The following MYLK variants were observed in gnomAD, a reference collection of about 807,000 sequenced individuals.
MYLK encodes myosin light chain kinase, smooth muscle.
A neutral mutation model predicts 203.4 loss-of-function variants in MYLK; 106 were observed. The observed-to-expected ratio is 0.52, with a 90% confidence interval of 0.45 to 0.61. MYLK has a LOEUF of 0.61. Among genes scored for constraint, MYLK ranks in the 20% least tolerant of loss-of-function variants. MYLK has a pLI of 0.00. For synonymous variants in MYLK, 867 were observed against 959.5 expected (o/e 0.90, Z 1.78); for missense variants, 2,072 against 2,442.3 (o/e 0.85, Z 3.20).
At chr3:123,849,872 T>G (rs981706872) in intron 2 of MYLK, among the ~76,000 whole-genome samples, 2 of 151,908 alleles carry the variant, frequency 1.3e-5, no homozygotes, top group African/African-American at 4.9e-5. Context: ...TAGGTATATC[T>G]CCTAATGCTA....
intron 29 of MYLK, among the ~76,000 whole-genome samples, chr3:123,631,873 C>CTTT (rs11391919): frequency 7.1e-6 from 1 of 140,368 alleles, no homozygotes; most frequent in Non-Finnish European, 1.6e-5. Flanking sequence ...TCTCCTTTTT[C>CTTT]TTTTTTTTTT....
chr3:123,782,011 T>C (rs1445758310), intron 4 of MYLK, among the ~76,000 whole-genome samples: 1 of 152,206 alleles, frequency 6.6e-6, no homozygotes, highest in African/African-American at 2.4e-5. Context: ...AAACTAGGCA[T>C]GTAAAACAGA....
intron 16 of MYLK, 145 bp from the exon 17 acceptor site, chr3:123,701,654 A>AAGGCTG: frequency 1.3e-6 from 1 of 762,314 alleles, no homozygotes; most frequent in Non-Finnish European, 2.3e-6. Context: ...CCTTAGATTT[A>AAGGCTG]GGGCAGGACC....
chr3:123,708,365 C>T (rs1296519439), intron 15 of MYLK, among the ~76,000 whole-genome samples: 1 of 152,204 alleles, frequency 6.6e-6, no homozygotes, highest in East Asian at 1.9e-4. Flanking sequence ...TATCTAATGG[C>T]AAGGACCCTG....
chr3:123,664,116 A>G lies in MYLK; in HGVS notation c.3974T>C (p.Leu1325Pro). The change falls in exon 23 of 34, where the codon CTC becomes CCC. Residue 1325 changes from leucine (L) to proline (P), a missense_variant. By Grantham distance (98) the Leu-to-Pro change is moderately conservative. Around this residue, in one of 3 missense-constraint regions of MYLK, gnomAD observed 524 missense variants for 782.4 expected, o/e 0.67. Coordinates refer to ENST00000360304, the MANE Select transcript of MYLK (RefSeq NM_053025.4). ...KLGSRQAQVN[L>P]TVVDKPDPPA... ...GCCACCAGACTCACCCACGACAGTG[A>G]GGTTGACCTGGGCCTGCCTGCTGCC... 6.2e-7 allele frequency: 1 copy of G among 1,613,924 alleles called. No homozygotes were observed. The highest frequency in any genetic ancestry group is 8.5e-7 in the Non-Finnish European group (1 of 1,179,924).
intron 3 of MYLK, among the ~76,000 whole-genome samples, chr3:123,809,400 C>T (rs370187224): frequency 2.0e-5 from 3 of 152,148 alleles, no homozygotes; most frequent in East Asian, 3.9e-4. Flanking sequence ...GTGGCAGGCA[C>T]CTGTAATCCC....
At chr3:123,734,445 C>T in intron 9 of MYLK, 2 of 488,356 alleles carry the variant, frequency 4.1e-6, no homozygotes, top group South Asian at 8.5e-5. Flanking sequence ...ACAACCCTGC[C>T]CAGAGCCCTG....
intron 13 of MYLK, among the ~76,000 whole-genome samples, chr3:123,718,182 G>T (rs1439795449): frequency 1.3e-5 from 2 of 152,142 alleles, no homozygotes; most frequent in African/African-American, 4.8e-5. Context: ...ACTCTTGAAG[G>T]TAATTTGCAG....
intron 2 of MYLK, among the ~76,000 whole-genome samples, chr3:123,856,824 C>A (rs1342234780): frequency 6.6e-6 from 1 of 151,994 alleles, no homozygotes; most frequent in Admixed American, 6.6e-5. Flanking sequence ...AGAGTTTCTG[C>A]ACAGCAAAAG....
chr3:123,701,789 A>G (rs2061240581), intron 16 of MYLK, among the ~76,000 whole-genome samples: 1 of 152,232 alleles, frequency 6.6e-6, no homozygotes, highest in Admixed American at 6.5e-5. Flanking sequence ...TAAGTATATA[A>G]TATAATCATT....
intron 16 of MYLK, among the ~76,000 whole-genome samples, chr3:123,702,868 A>G (rs61091898): frequency 0.042 from 6,322 of 152,248 alleles, 296 homozygotes; most frequent in African/African-American, 0.1. Context: ...TAATTTGCCT[A>G]AACACACAGA....
chr3:123,645,383 T>A (rs1184203069), intron 27 of MYLK, among the ~76,000 whole-genome samples: 2 of 152,154 alleles, frequency 1.3e-5, no homozygotes, highest in African/African-American at 4.8e-5. Flanking sequence ...TGTGCCAGAA[T>A]GTTAATGGCA....
intron 4 of MYLK, among the ~76,000 whole-genome samples, chr3:123,771,628 T>C (rs959037972): frequency 6.6e-6 from 1 of 152,232 alleles, no homozygotes; most frequent in Admixed American, 6.5e-5. Context: ...GCTATGCATA[T>C]ACAGATGCTC....
chr3:123,737,564 A>C, intron 7 of MYLK, 21 bp from the exon 8 acceptor site: 1 of 1,613,876 alleles, frequency 6.2e-7, no homozygotes, highest in Non-Finnish European at 8.5e-7. Context: ...CAATGGGGTA[A>C]CTTGGTCATA....
At chr3:123,641,984 A>G (rs2058854026) in intron 27 of MYLK, among the ~76,000 whole-genome samples, 1 of 151,892 alleles carries the variant, frequency 6.6e-6, no homozygotes, top group South Asian at 2.1e-4. Flanking sequence ...CCTCCCAAGT[A>G]GCTAGGACTA....
intron 23 of MYLK, chr3:123,659,734 G>A (rs1346457179): frequency 7.8e-6 from 4 of 515,878 alleles, no homozygotes; most frequent in South Asian, 5.7e-5. Flanking sequence ...CTGTGAGCTT[G>A]TCCTCCACGG....
intron 28 of MYLK, chr3:123,639,032 A>G: frequency 3.0e-6 from 3 of 985,426 alleles, no homozygotes; most frequent in Non-Finnish European, 3.6e-6. Context: ...GCCACTTCTC[A>G]GTTATCTGGT....
intron 4 of MYLK, among the ~76,000 whole-genome samples, chr3:123,776,073 C>T (rs2064065494): frequency 6.6e-6 from 1 of 152,180 alleles, no homozygotes; most frequent in Non-Finnish European, 1.5e-5. Flanking sequence ...TGGCTTCCTG[C>T]CTCCCACCCT....
chr3:123,876,242 A>C (rs957455121), intron 2 of MYLK, among the ~76,000 whole-genome samples: 1 of 152,222 alleles, frequency 6.6e-6, no homozygotes, highest in African/African-American at 2.4e-5. Flanking sequence ...GAAGGCAAGA[A>C]TGCATCAACA....
Sources: allele counts gnomAD v4.1 joint callset (sites outside exome capture counted in the v4.1 genomes callset), GRCh38; gene constraint gnomAD v4.1.1; regional missense constraint gnomAD v4.1.1; transcripts MANE v1.5; gene names NCBI Gene and HGNC (gene_info 2026-07-23, HGNC 2026-07-21).